The following IFT122 variants were observed in gnomAD, a reference collection of about 807,000 sequenced individuals.
The protein encoded by IFT122 is intraflagellar transport protein 122 homolog.
IFT122 carries 118 observed loss-of-function variants against 161.6 expected under a neutral mutation model. The observed-to-expected ratio is 0.73, with a 90% CI of 0.63 to 0.85. The LOEUF (loss-of-function observed/expected upper bound fraction) is 0.85, where lower values mean the gene tolerates loss of function less well. Among genes scored for constraint, IFT122 ranks in the 40% least tolerant of loss-of-function variants. The probability of loss-of-function intolerance (pLI) is 0.00; values close to 1 mark genes in which losing one functional copy is unlikely to be tolerated. For missense variants in IFT122, 1,381 were observed against 1,579.6 expected (o/e 0.87, Z 2.13); for synonymous variants, 550 against 602.4 (o/e 0.91, Z 1.27).
chr3:129,460,600 T>C (rs1182128451), intron 4 of IFT122, among the ~76,000 whole-genome samples: 1 of 152,216 alleles, frequency 6.6e-6, no homozygotes, highest in African/African-American at 2.4e-5. Context: ...ATTGTATATA[T>C]AGACCACATT....
In IFT122 at chr3:129,487,735, C is replaced by T. The variant is rs368021355; in HGVS notation, c.1852-522C>T. On this transcript the variant is annotated intron_variant, in intron 15 of 29. Coordinates refer to ENST00000348417, the MANE Select transcript of IFT122 (RefSeq NM_052989.3). ...AGACTGGGGTTCTGCTGAGGGAGGC[C>T]GATACAACCCACCACTGCCCACGGC... The T allele has an allele frequency of 7.9e-4, 152 of 192,402 alleles. 1 individual carries two copies. The South Asian group carries it at 0.014, about 18-fold the overall frequency. 11.9% of individuals were successfully genotyped at this position (192,402 alleles called of 1,614,324 possible).
intron 16 of IFT122, among the ~76,000 whole-genome samples, 199 bp downstream of exon 16, chr3:129,488,596 C>T (rs534229449): frequency 6.6e-6 from 1 of 152,108 alleles, no homozygotes. Context: ...TCTCTATAGA[C>T]GTAGGATGAT....
At chr3:129,459,275 G>A (rs1020920207) in intron 4 of IFT122, 4 of 452,596 alleles carry the variant, frequency 8.8e-6, no homozygotes, top group Admixed American at 7.1e-5. Context: ...AACAGATACT[G>A]CATCTATTTT....
At chr3:129,442,532 G>T (rs925817509) in intron 1 of IFT122, among the ~76,000 whole-genome samples, 2 of 148,816 alleles carry the variant, frequency 1.3e-5, no homozygotes, top group Non-Finnish European at 3.0e-5. Context: ...ATGGCTGCTA[G>T]ATATACCAGC....
At chr3:129,456,443 C>T (rs932628582) in intron 3 of IFT122, among the ~76,000 whole-genome samples, 12 of 152,102 alleles carry the variant, frequency 7.9e-5, no homozygotes, top group Non-Finnish European at 1.6e-4. Context: ...TTGAGACAAG[C>T]CTGGCCAACA....
intron 17 of IFT122, among the ~76,000 whole-genome samples, chr3:129,494,032 G>C (rs971550415): frequency 5.9e-5 from 9 of 152,190 alleles, no homozygotes; most frequent in African/African-American, 2.2e-4. Flanking sequence ...CAGATCCTTA[G>C]TGGGTGCCTT....
intron 18 of IFT122, 47 bp from the exon 19 acceptor site, chr3:129,499,855 A>C: frequency 6.2e-7 from 1 of 1,608,756 alleles, no homozygotes; most frequent in East Asian, 2.2e-5. Flanking sequence ...TAACGCTGGC[A>C]CAGGAAGTTC....
chr3:129,450,077 G>A (rs2074583659), intron 2 of IFT122, 140 bp downstream of exon 2: 3 of 683,856 alleles, frequency 4.4e-6, no homozygotes, highest in Admixed American at 4.7e-5. Flanking sequence ...TTTTTAATAG[G>A]GATGGAAATG....
At chr3:129,455,170 GTT>G (rs1043147143) in intron 3 of IFT122, among the ~76,000 whole-genome samples, 8 of 150,728 alleles carry the variant, frequency 5.3e-5, no homozygotes, top group African/African-American at 1.2e-4. Context: ...AGTTCATTAA[GTT>G]TTTTTTGTTT....
chr3:129,454,531 G>GTGTGTC (rs1206504623), intron 3 of IFT122, among the ~76,000 whole-genome samples: 1 of 151,018 alleles, frequency 6.6e-6, no homozygotes, highest in Non-Finnish European at 1.5e-5. Flanking sequence ...GTGTGTGTGT[G>GTGTGTC]TGTGTGTGTG....
chr3:129,484,421 C>T (rs1306563555), intron 15 of IFT122, among the ~76,000 whole-genome samples: 2 of 152,160 alleles, frequency 1.3e-5, no homozygotes, highest in African/African-American at 2.4e-5. Flanking sequence ...ATCTGCTTAG[C>T]GCTTTTCTAC....
intron 17 of IFT122, among the ~76,000 whole-genome samples, chr3:129,492,455 A>T (rs1260940722): frequency 6.6e-6 from 1 of 152,176 alleles, no homozygotes; most frequent in Non-Finnish European, 1.5e-5. Context: ...AGTCTGTGAA[A>T]AGGGATTGGA....
intron 5 of IFT122, 110 bp from the exon 6 acceptor site, chr3:129,463,439 CATTCAGCATAA>C: frequency 1.3e-6 from 1 of 782,608 alleles, no homozygotes; most frequent in Non-Finnish European, 2.2e-6. Flanking sequence ...TATGTTTTTT[CATTCAGCATAA>C]AATCCTGGAG....
intron 3 of IFT122, among the ~76,000 whole-genome samples, chr3:129,453,442 G>A (rs894988656): frequency 1.3e-5 from 2 of 152,114 alleles, no homozygotes; most frequent in African/African-American, 4.8e-5. Context: ...TGAGATCCCC[G>A]GTGACATGAA....
chr3:129,479,701 C>T (rs1427015983), intron 12 of IFT122, 84 bp from the exon 13 acceptor site: 3 of 1,551,096 alleles, frequency 1.9e-6, no homozygotes, highest in East Asian at 4.5e-5. Flanking sequence ...ATTTTCTCCC[C>T]TTAGGGACAG....
intron 26 of IFT122, among the ~76,000 whole-genome samples, chr3:129,516,098 GCA>G (rs63122960): frequency 0.23 from 30,831 of 131,944 alleles, 5,221 homozygotes; most frequent in East Asian, 0.49. Flanking sequence ...GACTGCTCCT[GCA>G]CACACACACA....
intron 12 of IFT122, among the ~76,000 whole-genome samples, chr3:129,479,255 CAAAAAAAAAAAAAAA>C (rs547629384): frequency 6.1e-5 from 5 of 81,422 alleles, no homozygotes; most frequent in African/African-American, 2.2e-4. Flanking sequence ...CCATCTCCAC[CAAAAAAAAAAAAAAA>C]AAAAAAAAAT....
chr3:129,479,282 A>G (rs893166273), intron 12 of IFT122, among the ~76,000 whole-genome samples: 13 of 145,824 alleles, frequency 8.9e-5, no homozygotes, highest in South Asian at 2.2e-4. Context: ...AAAAAAAATT[A>G]TTTAATTAGC....
Position 129,479,932 on chromosome 3 carries a change from C to T in IFT122, c.1488+10C>T, listed in dbSNP as rs766274915. On this transcript the variant is annotated intron_variant, in intron 13 of 29. Coordinates refer to ENST00000348417, the MANE Select transcript of IFT122 (RefSeq NM_052989.3). The stretch of plus-strand genomic sequence containing the variant: ...GCTGAAGAATGGACAGGTGAGTGCT[C>T]CCTCACGTCTCCTGTCAGGCTGATA... The T allele has an allele frequency of 1.5e-5, 25 of 1,613,556 alleles. No individual in the cohort carries two copies. Among genetic ancestry groups the T allele is most frequent in the African/African-American group, 2.7e-5 (2 of 74,870 alleles).
Sources: allele counts gnomAD v4.1 joint callset (sites outside exome capture counted in the v4.1 genomes callset), GRCh38; gene constraint gnomAD v4.1.1; transcripts MANE v1.5; gene names NCBI Gene and HGNC (gene_info 2026-07-23, HGNC 2026-07-21).